The following CCDC178 variants were observed in gnomAD, a reference collection of about 807,000 sequenced individuals.
CCDC178 encodes coiled-coil domain-containing protein 178.
Under a neutral mutation model 117.4 loss-of-function variants are expected in CCDC178, and 126 were observed. The observed-to-expected ratio is 1.07, with a 90% CI of 0.93 to 1.24. The LOEUF (loss-of-function observed/expected upper bound fraction) is 1.24. Ranked by LOEUF, CCDC178 falls within the 50% of genes most tolerant of loss-of-function variation. The probability of loss-of-function intolerance (pLI) is 0.00; values close to 1 mark genes in which losing one functional copy is unlikely to be tolerated. For synonymous variants in CCDC178, 283 were observed against 313.4 expected (o/e 0.90, Z 1.02); for missense variants, 1,030 against 986.9 (o/e 1.04, Z -0.59).
intron 20 of CCDC178, among the ~76,000 whole-genome samples, chr18:33,139,223 T>C (rs1341307672): frequency 6.6e-6 from 1 of 152,150 alleles, no homozygotes. Flanking sequence ...TTAAATCTCT[T>C]TTGCTTCCCA....
chr18:33,337,908 T>C (rs1260597629), intron 9 of CCDC178, among the ~76,000 whole-genome samples: 1 of 152,038 alleles, frequency 6.6e-6, no homozygotes, highest in East Asian at 1.9e-4. Flanking sequence ...GATGAATAGA[T>C]GGGACTTAAT....
intron 14 of CCDC178, among the ~76,000 whole-genome samples, chr18:33,259,727 A>G (rs2059720051): frequency 6.6e-6 from 1 of 152,062 alleles, no homozygotes; most frequent in Non-Finnish European, 1.5e-5. Flanking sequence ...GCCAAACCAT[A>G]TCAGCTACTG....
intron 15 of CCDC178, among the ~76,000 whole-genome samples, chr18:33,235,108 T>C (rs989273557): frequency 6.6e-6 from 1 of 152,118 alleles, no homozygotes; most frequent in African/African-American, 2.4e-5. Flanking sequence ...GTCTCAGAGG[T>C]GAACAAATAG....
intron 4 of CCDC178, among the ~76,000 whole-genome samples, chr18:33,390,663 A>T (rs561191665): frequency 2.7e-4 from 41 of 152,198 alleles, no homozygotes; most frequent in Admixed American, 5.2e-4. Flanking sequence ...TCAAAATAAC[A>T]GTTGCCTATA....
intron 21 of CCDC178, among the ~76,000 whole-genome samples, chr18:32,983,668 A>G (rs1451570646): frequency 6.6e-6 from 1 of 152,098 alleles, no homozygotes; most frequent in South Asian, 2.1e-4. Flanking sequence ...ACATTCATTT[A>G]TTTGCACTAG....
intron 21 of CCDC178, among the ~76,000 whole-genome samples, chr18:33,059,086 T>A (rs1489955587): frequency 6.6e-6 from 1 of 152,062 alleles, no homozygotes; most frequent in Non-Finnish European, 1.5e-5. Context: ...ATCTTATTTG[T>A]GGGGGCTAAT....
intron 21 of CCDC178, among the ~76,000 whole-genome samples, chr18:32,974,927 G>T (rs1401519575): frequency 1.3e-5 from 2 of 152,094 alleles, no homozygotes; most frequent in Non-Finnish European, 2.9e-5. Flanking sequence ...CAGCAGTTTT[G>T]TTCTAGCTGA....
chr18:32,989,094 A>G (rs1199879423), intron 21 of CCDC178, among the ~76,000 whole-genome samples: 1 of 152,164 alleles, frequency 6.6e-6, no homozygotes, highest in African/African-American at 2.4e-5. Flanking sequence ...AAAAGAGAGA[A>G]TATTTCCCAA....
chr18:32,980,854 T>C (rs2055141507), intron 21 of CCDC178, among the ~76,000 whole-genome samples: 1 of 152,204 alleles, frequency 6.6e-6, no homozygotes, highest in Admixed American at 6.5e-5. Context: ...GTGTATAATT[T>C]GATACAAAAA....
intron 22 of CCDC178, among the ~76,000 whole-genome samples, chr18:32,939,148 T>C (rs914125746): frequency 1.3e-5 from 2 of 152,152 alleles, no homozygotes; most frequent in African/African-American, 2.4e-5. Flanking sequence ...TGTAGAGATA[T>C]AAGGCTATAT....
At chr18:33,260,204 C>T (rs1403877319) in intron 14 of CCDC178, among the ~76,000 whole-genome samples, 2 of 152,030 alleles carry the variant, frequency 1.3e-5, no homozygotes, top group Non-Finnish European at 2.9e-5. Context: ...ATTTTGTCTA[C>T]TTTTACTCAA....
chr18:33,085,152 AT>A (rs2057360457), intron 21 of CCDC178, among the ~76,000 whole-genome samples: 1 of 152,222 alleles, frequency 6.6e-6, no homozygotes, highest in Non-Finnish European at 1.5e-5. Context: ...TCACACTACA[AT>A]TTGATACAAG....
intron 18 of CCDC178, among the ~76,000 whole-genome samples, chr18:33,217,309 A>G (rs1046938590): frequency 3.3e-5 from 5 of 151,990 alleles, no homozygotes; most frequent in Non-Finnish European, 5.9e-5. Context: ...AATTTCTTCT[A>G]TGATCATTGA....
intron 20 of CCDC178, among the ~76,000 whole-genome samples, chr18:33,173,046 T>C (rs2058622849): frequency 6.6e-6 from 1 of 152,094 alleles, no homozygotes; most frequent in Admixed American, 6.6e-5. Context: ...TAGAGTTGCA[T>C]TTAGTTTTTG....
At chr18:33,155,737 G>A (rs2058386274) in intron 20 of CCDC178, among the ~76,000 whole-genome samples, 1 of 152,080 alleles carries the variant, frequency 6.6e-6, no homozygotes. Context: ...TCTGTATTGT[G>A]GAAGAAAAGT....
At chr18:33,013,248 C>G (rs1233353535) in intron 21 of CCDC178, among the ~76,000 whole-genome samples, 2 of 152,156 alleles carry the variant, frequency 1.3e-5, no homozygotes, top group African/African-American at 4.8e-5. Context: ...CACAGCTTCT[C>G]TCCAGTAACT....
intron 11 of CCDC178, among the ~76,000 whole-genome samples, chr18:33,319,489 C>T (rs921098403): frequency 5.3e-5 from 8 of 152,032 alleles, no homozygotes; most frequent in South Asian, 2.1e-4. Flanking sequence ...GTGAATCATG[C>T]CGCAATAAAC....
intron 21 of CCDC178, among the ~76,000 whole-genome samples, chr18:33,035,974 C>A (rs1176772736): frequency 6.6e-6 from 1 of 151,786 alleles, no homozygotes; most frequent in East Asian, 1.9e-4. Context: ...AGCAGTACAG[C>A]ACAATGGGGA....
chr18:33,378,158 C>A (rs965108979), intron 5 of CCDC178, among the ~76,000 whole-genome samples: 1 of 152,168 alleles, frequency 6.6e-6, no homozygotes, highest in Non-Finnish European at 1.5e-5. Flanking sequence ...AGAGAGCTTT[C>A]ACCTCCTGGT....
Sources: gnomAD v4.1 joint callset for allele counts (sites outside exome capture counted in the v4.1 genomes callset) on GRCh38, gnomAD v4.1.1 for gene constraint, MANE v1.5 for transcripts, NCBI Gene and HGNC (gene_info 2026-07-23, HGNC 2026-07-21) for gene names.